Variants in ELAPOR2 observed in about 807,000 individuals in gnomAD.
ELAPOR2 encodes the protein endosome-lysosome associated apoptosis and autophagy regulator family member 2.
A neutral mutation model predicts 120.7 loss-of-function variants in ELAPOR2; 89 were observed. That is an observed-to-expected ratio of 0.74 (90% CI 0.62 to 0.88). The LOEUF (loss-of-function observed/expected upper bound fraction) is 0.88. ELAPOR2 is among the 40% of genes least tolerant of loss of function. ELAPOR2 has a pLI of 0.00. For synonymous variants in ELAPOR2, 444 were observed against 444.9 expected, an observed-to-expected ratio of 1.00 and a Z score of 0.03; for missense variants, 1,134 against 1,251.6, an observed-to-expected ratio of 0.91 and a Z score of 1.42.
chr7:86,963,006 C>T (rs903808406), intron 2 of ELAPOR2, among the ~76,000 whole-genome samples: 3 of 152,080 alleles, frequency 2.0e-5, no homozygotes, highest in African/African-American at 7.2e-5. Flanking sequence ...AAATCTAAGG[C>T]CAGATCGACA....
At chr7:86,932,872 T>A (rs1222456285) in intron 8 of ELAPOR2, among the ~76,000 whole-genome samples, 1 of 151,936 alleles carries the variant, frequency 6.6e-6, no homozygotes, top group Admixed American at 6.6e-5. Context: ...TTCACACAAA[T>A]AAATTTTGAT....
intron 1 of ELAPOR2, among the ~76,000 whole-genome samples, chr7:86,975,550 C>T (rs1198992864): frequency 2.0e-5 from 3 of 152,160 alleles, no homozygotes; most frequent in Non-Finnish European, 4.4e-5. Context: ...TAGACACCTG[C>T]TGTTCTGTCT....
intron 5 of ELAPOR2, chr7:86,941,472 G>A (rs1790792355): frequency 6.2e-6 from 3 of 485,872 alleles, no homozygotes; most frequent in Middle Eastern, 3.3e-4. Context: ...TAGGAGGCAG[G>A]TTGAGGCTCC....
At chr7:86,928,693 T>C (rs192116080) in intron 8 of ELAPOR2, among the ~76,000 whole-genome samples, 15 of 152,018 alleles carry the variant, frequency 9.9e-5, no homozygotes, top group African/African-American at 3.1e-4. Context: ...AGGGTAAAAA[T>C]AATAAAATAT....
intron 1 of ELAPOR2, among the ~76,000 whole-genome samples, chr7:87,023,727 C>T (rs906583480): frequency 4.9e-4 from 74 of 152,142 alleles, no homozygotes; most frequent in African/African-American, 1.6e-3. Context: ...TGTTTGTATC[C>T]TCTTTTATTT....
chr7:87,009,720 G>A (rs1447647079), intron 1 of ELAPOR2, among the ~76,000 whole-genome samples: 2 of 152,180 alleles, frequency 1.3e-5, no homozygotes, highest in Admixed American at 6.5e-5. Context: ...CTCACCTCTA[G>A]CAATAAAAAG....
chr7:86,883,023 G>GGTGTGTGTGTGTGT (rs55859925), intron 21 of ELAPOR2, among the ~76,000 whole-genome samples: 10 of 141,452 alleles, frequency 7.1e-5, no homozygotes, highest in African/African-American at 2.6e-4. Flanking sequence ...GTTTGAAAGG[G>GGTGTGTGTGTGTGT]GTGTGTGTGT....
At chr7:86,884,968 T>G (rs982489501) in intron 21 of ELAPOR2, among the ~76,000 whole-genome samples, 1 of 152,166 alleles carries the variant, frequency 6.6e-6, no homozygotes, top group Admixed American at 6.6e-5. Context: ...CTGAGACTGA[T>G]TCCCATAGGA....
intron 1 of ELAPOR2, among the ~76,000 whole-genome samples, chr7:87,033,191 T>A (rs943081624): frequency 6.6e-6 from 1 of 152,216 alleles, no homozygotes; most frequent in Non-Finnish European, 1.5e-5. Flanking sequence ...GCTTTATGGC[T>A]CACTAGCTTT....
chr7:86,931,806 C>A (rs776478248), intron 8 of ELAPOR2, among the ~76,000 whole-genome samples: 2 of 151,872 alleles, frequency 1.3e-5, no homozygotes, highest in Non-Finnish European at 2.9e-5. Context: ...AAGGTATGTG[C>A]AAATTTCCAT....
rs151328498 is a variant in ELAPOR2 at position 86,996,170 on chromosome 7, A to C, written c.190-31146T>G. ...AATTAAAATAACAGATTACCAAGCT[A>C]TGATACAAATTGGAAACAAATTAGG... On this transcript the variant is annotated intron_variant, in intron 1 of 21. Coordinates refer to ENST00000450689, the MANE Select transcript of ELAPOR2 (RefSeq NM_001142749.3). Among the ~76,000 whole-genome samples, 431 of 152,358 alleles carry C rather than the reference A, an allele frequency of 2.8e-3. 5 individuals carry two copies. Among genetic ancestry groups the C allele is most frequent in the African/African-American group, 9.6e-3 (399 of 41,592 alleles).
intron 1 of ELAPOR2, among the ~76,000 whole-genome samples, chr7:87,008,007 T>G (rs920241133): frequency 8.5e-5 from 13 of 152,180 alleles, no homozygotes; most frequent in Non-Finnish European, 1.6e-4. Context: ...AGGACCGGGA[T>G]ATTTATACAG....
At chr7:87,047,073 A>G (rs1468029555) in intron 1 of ELAPOR2, among the ~76,000 whole-genome samples, 2 of 152,224 alleles carry the variant, frequency 1.3e-5, no homozygotes, top group Admixed American at 1.3e-4. Flanking sequence ...AGGTACCAAG[A>G]ATATACACTG....
chr7:86,920,285 G>A (rs112109779), intron 10 of ELAPOR2, among the ~76,000 whole-genome samples: 3 of 152,258 alleles, frequency 2.0e-5, no homozygotes, highest in South Asian at 2.1e-4. Flanking sequence ...TAATGTGGTT[G>A]AAAAGAGAGA....
chr7:86,981,618 G>A (rs885996), intron 1 of ELAPOR2, among the ~76,000 whole-genome samples: 10 of 152,052 alleles, frequency 6.6e-5, no homozygotes, highest in East Asian at 1.9e-4. Context: ...CTAATGAACC[G>A]CTAGTCATGT....
At chr7:86,901,149 A>C (rs545105937) in intron 18 of ELAPOR2, among the ~76,000 whole-genome samples, 1 of 152,236 alleles carries the variant, frequency 6.6e-6, no homozygotes, top group Non-Finnish European at 1.5e-5. Context: ...GGATTACTGG[A>C]TGTGCTGTGA....
At chr7:86,984,298 A>G (rs1431453690) in intron 1 of ELAPOR2, among the ~76,000 whole-genome samples, 1 of 152,210 alleles carries the variant, frequency 6.6e-6, no homozygotes, top group East Asian at 1.9e-4. Context: ...GTTAACAAGG[A>G]TATCCAGGAC....
intron 1 of ELAPOR2, among the ~76,000 whole-genome samples, chr7:87,050,995 G>T (rs79248975): frequency 6.6e-6 from 1 of 152,140 alleles, no homozygotes; most frequent in Non-Finnish European, 1.5e-5. Context: ...GTTCAGTTTG[G>T]TACCTGTCAG....
At chr7:86,907,613 A>C in intron 18 of ELAPOR2, 57 bp downstream of exon 18, 1 of 1,048,680 alleles carries the variant, frequency 9.5e-7, no homozygotes, top group Non-Finnish European at 1.4e-6. Context: ...AAATAGTAAC[A>C]TTCTGGAGAG....
Sources: gnomAD v4.1 joint callset for allele counts (sites outside exome capture counted in the v4.1 genomes callset) on GRCh38, gnomAD v4.1.1 for gene constraint, MANE v1.5 for transcripts, NCBI Gene and HGNC (gene_info 2026-07-23, HGNC 2026-07-21) for gene names.